Variants in LAMB4 observed in about 807,000 individuals in gnomAD.
LAMB4 encodes the protein laminin subunit beta-4.
A neutral mutation model predicts 199.2 loss-of-function variants in LAMB4; 196 were observed. That is an observed-to-expected ratio of 0.98 (90% confidence interval 0.88 to 1.11). The LOEUF (loss-of-function observed/expected upper bound fraction) is 1.11. Among genes scored for constraint, LAMB4 ranks in the 50% least tolerant of loss-of-function variants. LAMB4 has a pLI of 0.00. For synonymous variants in LAMB4, 744 were observed against 770.6 expected (o/e 0.97, Z 0.57); for missense variants, 2,080 against 2,171.2 (o/e 0.96, Z 0.83).
chr7:108,090,039 T>A (rs1211282409), intron 14 of LAMB4, among the ~76,000 whole-genome samples: 1 of 152,194 alleles, frequency 6.6e-6, no homozygotes, highest in Admixed American at 6.5e-5. Flanking sequence ...ACTAGATGTA[T>A]GACTTTGAGT....
At chr7:108,057,999 A>G (rs1180667453) in intron 23 of LAMB4, 71 bp from the exon 24 acceptor site, 15 of 1,032,390 alleles carry the variant, frequency 1.5e-5, no homozygotes, top group Non-Finnish European at 2.3e-5. Context: ...TTAATAGGAA[A>G]TATTTTCCCC....
At position 108,065,646 on chromosome 7, in the gene LAMB4, T is replaced by C. The variant is rs76575849; in HGVS notation, c.2836+116A>G. Reference sequence around the variant, plus strand: ...AGCTATTTATCACATTGTGTCTTCTTACCATTTCTGCACCACACATTTGTC... The same window carrying C: ...AGCTATTTATCACATTGTGTCTTCTCACCATTTCTGCACCACACATTTGTC... On this transcript the variant is annotated intron_variant, in intron 21 of 33. Transcript: ENST00000388781. 2.5e-3 allele frequency: 1,855 copies of C among 748,216 alleles called. 52 individuals are homozygous for C. The East Asian group carries it at 0.047, about 19-fold the overall frequency. 46.3% of individuals were successfully genotyped at this position (748,216 alleles called of 1,614,324 possible). A position where few individuals can be genotyped will look rare whatever the true frequency, so the allele number is the denominator to read the frequency against.
At chr7:108,059,418 C>T (rs980594692) in intron 23 of LAMB4, among the ~76,000 whole-genome samples, 1 of 152,166 alleles carries the variant, frequency 6.6e-6, no homozygotes, top group Admixed American at 6.5e-5. Context: ...AGATGGCCAT[C>T]CCAACCTGCC....
intron 14 of LAMB4, among the ~76,000 whole-genome samples, chr7:108,090,366 TC>T (rs142891352): frequency 6.6e-6 from 1 of 152,370 alleles, no homozygotes; most frequent in East Asian, 1.9e-4. Flanking sequence ...GAATGCTTTT[TC>T]TTTTGTCATA....
intron 21 of LAMB4, 21 bp downstream of exon 21, chr7:108,065,741 A>C (rs1336125363): frequency 6.3e-6 from 10 of 1,599,524 alleles, no homozygotes; most frequent in Non-Finnish European, 7.7e-6. Context: ...AAAAAATTGC[A>C]TCAAGCACTA....
intron 26 of LAMB4, among the ~76,000 whole-genome samples, chr7:108,049,824 T>C (rs538790454): frequency 5.3e-5 from 8 of 152,370 alleles, no homozygotes; most frequent in Non-Finnish European, 1.0e-4. Context: ...GTTCATCTCT[T>C]ATATTTCATT....
Position 108,023,975 on chromosome 7 carries a change from G to A in LAMB4, c.*64C>T. 4 of 1,418,436 alleles carry A rather than the reference G, an allele frequency of 2.8e-6. No homozygotes were observed. Among genetic ancestry groups the A allele is most frequent in the Non-Finnish European group, 2.9e-6 (3 of 1,049,974 alleles). The allele number at this position is 1,418,436 out of a possible 1,614,324, so 87.9% of individuals were successfully genotyped here. ...GTCAGTATTTCACAGGTTCAACAGA[G>A]CCCCAGGGGCTTGTACATCAGAAAC... On this transcript the variant is annotated 3_prime_UTR_variant, in exon 34 of 34. Coordinates refer to ENST00000388781, the MANE Select transcript of LAMB4 (RefSeq NM_007356.3).
chr7:108,049,445 A>G lies in LAMB4; in HGVS notation c.4003T>C (p.Ser1335Pro). ...INETSSTINT[S>P]ANTRNDLLTI... ...AGTAAGTCATTCCTTGTATTTGCAG[A>G]GGTATTAATGGTGGAACTAGTTTCA... is the stretch of plus-strand genomic sequence containing the variant. The change falls in exon 27 of 34, where the codon TCT becomes CCT. Residue 1335 changes from serine (S) to proline (P), a missense_variant. Coordinates refer to ENST00000388781, the MANE Select transcript of LAMB4 (RefSeq NM_007356.3). 1 of 1,589,792 alleles carries G rather than the reference A, an allele frequency of 6.3e-7. No homozygotes were observed. The highest frequency in any genetic ancestry group is 8.6e-7 in the Non-Finnish European group (1 of 1,158,978).
At chr7:108,012,879 C>T in the LAMB4 span, among the ~76,000 whole-genome samples, 1 of 152,216 alleles carries the variant, frequency 6.6e-6, no homozygotes, top group African/African-American at 2.4e-5. Context: ...AATGCCTTCT[C>T]CTTCTCTGCC....
chr7:108,064,303 C>T (rs949935281), intron 21 of LAMB4, among the ~76,000 whole-genome samples: 11 of 152,178 alleles, frequency 7.2e-5, no homozygotes, highest in African/African-American at 2.7e-4. Context: ...TAGCGTGCCC[C>T]AGGACCCAAG....
At chr7:108,079,576 C>T in intron 15 of LAMB4, 25 bp downstream of exon 15, 1 of 1,557,768 alleles carries the variant, frequency 6.4e-7, no homozygotes. Flanking sequence ...CTTTTCACCA[C>T]CAAAGTTGGA....
chr7:108,109,273 C>T lies in LAMB4; in HGVS notation c.329-29G>A, dbSNP rs1208120255. Reference sequence around the variant, plus strand: ...AGGAAGAATCCAGAAAGAAGAAAATCAGTGATTTTGAGAGACTTCTGCTTA... The same window carrying T: ...AGGAAGAATCCAGAAAGAAGAAAATTAGTGATTTTGAGAGACTTCTGCTTA... On this transcript the variant is annotated intron_variant, in intron 4 of 33. Coordinates refer to ENST00000388781, the MANE Select transcript of LAMB4 (RefSeq NM_007356.3). 6 of 1,542,404 alleles carry T rather than the reference C, an allele frequency of 3.9e-6. No homozygotes were observed. The African/African-American group carries it at 8.2e-5, about 21-fold the overall frequency.
chr7:108,098,404 C>G lies in LAMB4; in HGVS notation c.1359G>C (p.Gln453His), dbSNP rs751725822. ...GLSATDPLGCQPCDCNPLGSL... is the reference protein window; with the variant it reads ...GLSATDPLGCHPCDCNPLGSL... Reference sequence around the variant, plus strand: ...CCCGACCCCCGATTATGGACTTACGCTGGCAGCCCAGGGGGTCGGTGGCGC... The same window carrying G: ...CCCGACCCCCGATTATGGACTTACGGTGGCAGCCCAGGGGGTCGGTGGCGC... The change falls in exon 11 of 34, where the codon CAG (glutamine) becomes CAC (histidine). Residue 453 changes from glutamine to histidine, a missense_variant and splice_region_variant. Gln to His is a conservative substitution (Grantham distance 24). Coordinates refer to ENST00000388781, the MANE Select transcript of LAMB4 (RefSeq NM_007356.3). 3.8e-6 allele frequency: 6 copies of G among 1,593,408 alleles called. No homozygotes were observed. Among genetic ancestry groups the G allele is most frequent in the Non-Finnish European group, 5.1e-6 (6 of 1,170,806 alleles).
the LAMB4 span, among the ~76,000 whole-genome samples, chr7:108,012,125 C>T: frequency 1.3e-5 from 2 of 148,390 alleles, no homozygotes; most frequent in African/African-American, 2.5e-5. Flanking sequence ...TAGCAAACAA[C>T]AACATAATTT....
In LAMB4 at chr7:108,120,836, T is replaced by C. The variant is rs572320210; in HGVS notation, c.34+2295A>G. ...TTAATTGGAATTGTTGCCTTAGAGA[T>C]TTAACATGTTTTTATAACCTGACTT... On this transcript the variant is annotated intron_variant, in intron 2 of 33. Coordinates refer to ENST00000388781, the MANE Select transcript of LAMB4 (RefSeq NM_007356.3). Among the ~76,000 whole-genome samples the C allele has an allele frequency of 4.5e-4, 68 of 152,366 alleles. 1 individual carries two copies. Among genetic ancestry groups the C allele is most frequent in the African/African-American group, 1.6e-3 (66 of 41,600 alleles).
At chr7:108,026,524 C>G (rs1160122301) in intron 33 of LAMB4, 1 of 170,090 alleles carries the variant, frequency 5.9e-6, no homozygotes, top group African/African-American at 2.4e-5. Flanking sequence ...TGTCGAAGAA[C>G]CAGCCAGGCA....
At chr7:108,036,791 T>C (rs1031934703) in intron 30 of LAMB4, among the ~76,000 whole-genome samples, 1 of 151,812 alleles carries the variant, frequency 6.6e-6, no homozygotes, top group Admixed American at 6.6e-5. Context: ...ACCATAGATA[T>C]CATTTTCATC....
chr7:108,100,862 T>A (rs541562208), intron 10 of LAMB4, among the ~76,000 whole-genome samples: 1 of 152,338 alleles, frequency 6.6e-6, no homozygotes, highest in East Asian at 1.9e-4. Context: ...AAGAAATACA[T>A]TTTCTGAGAA....
At chr7:108,094,454 G>A (rs1051059823) in intron 12 of LAMB4, among the ~76,000 whole-genome samples, 5 of 151,122 alleles carry the variant, frequency 3.3e-5, no homozygotes, top group African/African-American at 1.2e-4. Flanking sequence ...CCTGTTTTCA[G>A]TAAAATGACT....
Sources: allele counts gnomAD v4.1 joint callset (sites outside exome capture counted in the v4.1 genomes callset), GRCh38; gene constraint gnomAD v4.1.1; transcripts MANE v1.5; gene names NCBI Gene and HGNC (gene_info 2026-07-23, HGNC 2026-07-21).